Variants in HIBCH observed in about 807,000 individuals in gnomAD.
The protein encoded by HIBCH is 3-hydroxyisobutyryl-CoA hydrolase, also known as 3-hydroxyisobutyryl-CoA hydrolase, mitochondrial.
In HIBCH, 50 loss-of-function variants were observed where a neutral mutation model predicts 58.2. The ratio of observed to expected loss-of-function variants is 0.86; its 90% CI spans 0.68 to 1.09. The LOEUF (loss-of-function observed/expected upper bound fraction) is 1.09. HIBCH is among the 50% of genes least tolerant of loss of function. The pLI is 0.00. For missense variants in HIBCH, 450 were observed against 449.7 expected (o/e 1.00, Z -0.01); for synonymous variants, 151 against 146.9 (o/e 1.03, Z -0.20).
intron 11 of HIBCH, among the ~76,000 whole-genome samples, chr2:190,223,499 GA>G (rs1325728698): frequency 6.6e-6 from 1 of 152,148 alleles, no homozygotes; most frequent in Non-Finnish European, 1.5e-5. Flanking sequence ...TAGGCGTGAA[GA>G]AAAACAGAGT....
At chr2:190,226,772 C>T (rs1388854485) in intron 11 of HIBCH, among the ~76,000 whole-genome samples, 1 of 152,128 alleles carries the variant, frequency 6.6e-6, no homozygotes, top group Non-Finnish European at 1.5e-5. Context: ...ACACGCATTC[C>T]TATACACCAT....
At chr2:190,198,898 T>C (rs183976824) in intron 1 of HIBCH, among the ~76,000 whole-genome samples, 3 of 152,302 alleles carry the variant, frequency 2.0e-5, no homozygotes, top group African/African-American at 7.2e-5. Flanking sequence ...TTGTCATCTA[T>C]TTATTGACCA....
chr2:190,265,850 T>C (rs1243992563), intron 6 of HIBCH, among the ~76,000 whole-genome samples: 1 of 152,192 alleles, frequency 6.6e-6, no homozygotes. Context: ...TATAGGGATG[T>C]GCTATTTTTC....
chr2:190,276,125 T>G (rs1687543423), intron 6 of HIBCH, among the ~76,000 whole-genome samples: 1 of 152,176 alleles, frequency 6.6e-6, no homozygotes, highest in Non-Finnish European at 1.5e-5. Context: ...ACAAGCAGAC[T>G]GGTCAAGAGC....
chr2:190,212,945 TA>T lies in HIBCH; in HGVS notation c.1011+10del. 1 of 1,605,308 alleles carries T rather than the reference TA, an allele frequency of 6.2e-7. No homozygotes were observed. The highest frequency in any genetic ancestry group is 8.5e-7 in the Non-Finnish European group (1 of 1,175,024). On this transcript the variant is annotated intron_variant, in intron 12 of 13. Coordinates refer to ENST00000359678, the MANE Select transcript of HIBCH (RefSeq NM_014362.4). Reference sequence around the variant, plus strand: ...GAACTAAAAAATGACATTTTTTTTTTAAATTCTTACCATACAAGCTTGACTT... The same window carrying T: ...GAACTAAAAAATGACATTTTTTTTTTAATTCTTACCATACAAGCTTGACTT...
chr2:190,298,017 G>A (rs1404215949), intron 2 of HIBCH, among the ~76,000 whole-genome samples: 1 of 145,194 alleles, frequency 6.9e-6, no homozygotes, highest in Non-Finnish European at 1.5e-5. Flanking sequence ...TTGGTTTTCT[G>A]TCCCTGTGTT....
Position 190,217,165 on chromosome 2 carries a change from C to T in HIBCH, c.892-4090G>A, listed in dbSNP as rs1387948993. Among the ~76,000 whole-genome samples the T allele has an allele frequency of 6.6e-6, 1 of 152,202 alleles. No homozygotes were observed. The highest frequency in any genetic ancestry group is 1.5e-5 in the Non-Finnish European group (1 of 68,022). ...GGAAGCCAGCTGGTCAGTCCCTTGC[C>T]TCCCCAAGTTCCTCCAGGGGTCAGT... On this transcript the variant is annotated intron_variant, in intron 11 of 13. Transcript: ENST00000359678. This position sits in a 1 kb window ranked among gnomAD's most constrained non-coding sequence, Gnocchi z 4.6.
chr2:190,234,680 T>A (rs1459904287), intron 11 of HIBCH, among the ~76,000 whole-genome samples: 1 of 152,088 alleles, frequency 6.6e-6, no homozygotes, highest in Admixed American at 6.6e-5. Flanking sequence ...TGAAACCCCA[T>A]CTCTACTAAA....
At chr2:190,196,921 T>TATCA (rs1276443635) in intron 1 of HIBCH, among the ~76,000 whole-genome samples, 3 of 152,162 alleles carry the variant, frequency 2.0e-5, no homozygotes, top group East Asian at 1.9e-4. Context: ...ACTGGGTGTT[T>TATCA]ATCAATCAGT....
chr2:190,195,264 T>C (rs765918062), intron 1 of HIBCH, among the ~76,000 whole-genome samples: 2 of 152,224 alleles, frequency 1.3e-5, no homozygotes, highest in African/African-American at 2.4e-5. Flanking sequence ...TTCAAAGTTA[T>C]GAATAAAGCT....
chr2:190,201,860 C>T (rs540700111), downstream of HIBCH: 4 of 167,042 alleles, frequency 2.4e-5, no homozygotes, highest in African/African-American at 9.6e-5. Flanking sequence ...ATTTCCAGGT[C>T]ATGAAGAGTA....
At chr2:190,275,065 C>T (rs1401718576) in intron 6 of HIBCH, among the ~76,000 whole-genome samples, 1 of 152,050 alleles carries the variant, frequency 6.6e-6, no homozygotes, top group Non-Finnish European at 1.5e-5. Flanking sequence ...AATCAAAAAA[C>T]CCTCTCACTA....
chr2:190,241,968 T>C (rs1331971149), intron 11 of HIBCH, among the ~76,000 whole-genome samples: 1 of 152,176 alleles, frequency 6.6e-6, no homozygotes, highest in African/African-American at 2.4e-5. Flanking sequence ...AAGGAGCATC[T>C]TCGCGGCGTT....
intron 1 of HIBCH, among the ~76,000 whole-genome samples, chr2:190,313,421 C>T (rs535727392): frequency 6.6e-6 from 1 of 152,272 alleles, no homozygotes; most frequent in East Asian, 1.9e-4. Flanking sequence ...AATATGTCTG[C>T]TTTTCCTTTG....
At chr2:190,226,245 G>C (rs188127131) in intron 11 of HIBCH, among the ~76,000 whole-genome samples, 1 of 152,002 alleles carries the variant, frequency 6.6e-6, no homozygotes, top group African/African-American at 2.4e-5. Flanking sequence ...CATAGTGTTG[G>C]AAGTTCTGGC....
rs1298800279 is a variant in HIBCH, at chr2:190,254,244, G to C, written c.518-1937C>G. Among the ~76,000 whole-genome samples the C allele has an allele frequency of 6.6e-6, 1 of 152,086 alleles. No individual in the cohort carries two copies. The highest frequency in any genetic ancestry group is 2.4e-5 in the African/African-American group (1 of 41,414). ...TAAGTTTAAGTGAGGTCATAAGGGT[G>C]GGGTCCTAATCCAACAGGACTGGTG... On this transcript the variant is annotated intron_variant, in intron 7 of 13. Transcript: ENST00000359678. The surrounding 1 kb of genome is among the most constrained non-coding windows in gnomAD (Gnocchi z 5.0).
intron 11 of HIBCH, among the ~76,000 whole-genome samples, chr2:190,228,009 T>C (rs1034759172): frequency 6.6e-6 from 1 of 152,190 alleles, no homozygotes; most frequent in African/African-American, 2.4e-5. Context: ...CTCAAGGATC[T>C]AGAACTAGAA....
At chr2:190,225,822 G>A (rs1041449711) in intron 11 of HIBCH, among the ~76,000 whole-genome samples, 4 of 151,868 alleles carry the variant, frequency 2.6e-5, no homozygotes, top group African/African-American at 9.7e-5. Context: ...CACAAAAAAA[G>A]GGAATTTTAG....
At chr2:190,283,770 T>C (rs958364493) in intron 6 of HIBCH, among the ~76,000 whole-genome samples, 4 of 152,128 alleles carry the variant, frequency 2.6e-5, no homozygotes, top group African/African-American at 9.7e-5. Flanking sequence ...TGATAAAATA[T>C]AGTATAAAAC....
Sources: allele counts gnomAD v4.1 joint callset (sites outside exome capture counted in the v4.1 genomes callset), GRCh38; gene constraint gnomAD v4.1.1; non-coding constraint Gnocchi (gnomAD v3.1); transcripts MANE v1.5; gene names NCBI Gene and HGNC (gene_info 2026-07-23, HGNC 2026-07-21).